Variants in ZNF423 observed in about 807,000 individuals in gnomAD.
The protein encoded by ZNF423 is Ebf-associated zinc finger protein.
A neutral mutation model predicts 95.8 loss-of-function variants in ZNF423; 12 were observed. The ratio of observed to expected loss-of-function variants is 0.13; its 90% CI spans 0.08 to 0.20. ZNF423 has a LOEUF of 0.20. Among genes scored for constraint, ZNF423 ranks in the 10% least tolerant of loss-of-function variants. ZNF423 has a pLI of 1.00. For synonymous variants in ZNF423, 749 were observed against 711.9 expected, an observed-to-expected ratio of 1.05 and a Z score of -0.83; for missense variants, 1,316 against 1,737.1, an observed-to-expected ratio of 0.76 and a Z score of 4.31.
At chr16:49,540,667 A>C (rs1469341779) in intron 5 of ZNF423, among the ~76,000 whole-genome samples, 1 of 152,218 alleles carries the variant, frequency 6.6e-6, no homozygotes, top group African/African-American at 2.4e-5. Context: ...CACACCCTGA[A>C]TGCACAAGGG....
rs2033997675 is a variant in ZNF423 at position 49,769,731 on chromosome 16, T to C, written c.100+19756A>G. Among the ~76,000 whole-genome samples the C allele has an allele frequency of 2.2e-5, 3 of 138,366 alleles. No homozygotes were observed. In the South Asian group the frequency reaches 8.0e-4, roughly 37 times the overall value. 90.8% of individuals were successfully genotyped at this position (138,366 alleles called of 152,430 possible). ...GTCTTTCCCCTCTCTCCCCCTCTCA[T>C]CTCCCTGACCTCACGCTCCCCCCAC... On this transcript the variant is annotated intron_variant, in intron 2 of 7. Transcript: ENST00000563137.
chr16:49,824,147 TG>T (rs1054248400), intron 1 of ZNF423, among the ~76,000 whole-genome samples: 1 of 152,048 alleles, frequency 6.6e-6, no homozygotes, highest in Non-Finnish European at 1.5e-5. Context: ...GTGTCAAAAC[TG>T]GGGGGGAATG....
At chr16:49,698,033 C>A (rs1279645572) in intron 3 of ZNF423, among the ~76,000 whole-genome samples, 1 of 152,132 alleles carries the variant, frequency 6.6e-6, no homozygotes, top group Non-Finnish European at 1.5e-5. Flanking sequence ...AGGGACCAGC[C>A]CGACTCCACA....
intron 3 of ZNF423, among the ~76,000 whole-genome samples, chr16:49,714,320 T>C (rs748802957): frequency 2.0e-5 from 3 of 152,106 alleles, no homozygotes; most frequent in Non-Finnish European, 4.4e-5. Context: ...GCTGCTATAT[T>C]TCAACACGCA....
chr16:49,636,984 G>A lies in ZNF423; in HGVS notation c.2192C>T (p.Thr731Ile), dbSNP rs1322106218. The part of the protein sequence containing the change: ...DMHTFVLYHC[T>I]LCQEVFDSKV... The stretch of plus-strand genomic sequence containing the variant: ...GGAGTCGAAGACCTCCTGACACAGG[G>A]TGCAGTGGTACAACACAAAGGTGTG... The change falls in exon 4 of 8, where the codon ACC (threonine) becomes ATC (isoleucine). Residue 731 changes from threonine to isoleucine, a missense_variant. Transcript: ENST00000563137. This position sits in a 1 kb window ranked among gnomAD's most constrained non-coding sequence, Gnocchi z 8.6. 2.0e-5 allele frequency: 32 copies of A among 1,613,888 alleles called. No homozygotes were observed. The highest frequency in any genetic ancestry group is 2.2e-5 in the East Asian group (1 of 44,882).
chr16:49,700,258 A>G (rs954503987), intron 3 of ZNF423, among the ~76,000 whole-genome samples: 6 of 152,070 alleles, frequency 3.9e-5, no homozygotes, highest in Non-Finnish European at 8.8e-5. Flanking sequence ...AAAAAAGCAG[A>G]ATGCACTCCA....
At chr16:49,599,942 A>G (rs1438966785) in intron 5 of ZNF423, among the ~76,000 whole-genome samples, 1 of 152,230 alleles carries the variant, frequency 6.6e-6, no homozygotes, top group African/African-American at 2.4e-5. Context: ...GGTGCTGGTT[A>G]CACAGGTGTA....
At chr16:49,553,891 G>A (rs1400644685) in intron 5 of ZNF423, among the ~76,000 whole-genome samples, 1 of 152,178 alleles carries the variant, frequency 6.6e-6, no homozygotes, top group Admixed American at 6.5e-5. Flanking sequence ...ATTAGATGGG[G>A]AACTGAAGCC....
intron 1 of ZNF423, among the ~76,000 whole-genome samples, chr16:49,828,259 A>G (rs1426746063): frequency 6.6e-6 from 1 of 152,202 alleles, no homozygotes; most frequent in African/African-American, 2.4e-5. Context: ...TTGTCCTCAA[A>G]TATCTCCTGT....
At chr16:49,732,861 G>A (rs4785187) in intron 2 of ZNF423, among the ~76,000 whole-genome samples, 35,531 of 152,200 alleles carry the variant, frequency 0.23, 4,655 homozygotes, top group East Asian at 0.43. Flanking sequence ...CTTCCAAGGC[G>A]GGGAACGTTG....
chr16:49,558,894 TG>T (rs35115225), intron 5 of ZNF423, among the ~76,000 whole-genome samples: 6 of 152,148 alleles, frequency 3.9e-5, no homozygotes, highest in African/African-American at 1.4e-4. Context: ...AGCGGGGTTT[TG>T]GGGGGGTCCC....
At chr16:49,533,658 C>G (rs1968941123) in intron 5 of ZNF423, among the ~76,000 whole-genome samples, 1 of 152,216 alleles carries the variant, frequency 6.6e-6, no homozygotes, top group Non-Finnish European at 1.5e-5. Flanking sequence ...GCCCTTGTTT[C>G]ATCAAGACTA....
chr16:49,846,716 T>C (rs1168575859), intron 1 of ZNF423, among the ~76,000 whole-genome samples: 2 of 152,054 alleles, frequency 1.3e-5, no homozygotes, highest in Non-Finnish European at 2.9e-5. Flanking sequence ...TCCCTCTCCC[T>C]CTCCCTGGGG....
chr16:49,671,846 G>A (rs2030826976), intron 3 of ZNF423, among the ~76,000 whole-genome samples: 1 of 152,066 alleles, frequency 6.6e-6, no homozygotes, highest in African/African-American at 2.4e-5. Flanking sequence ...CACCAGGCTA[G>A]GCTAATCTGT....
At position 49,777,587 on chromosome 16, in the gene ZNF423, A is replaced by T. The variant is rs138058242; in HGVS notation, c.100+11900T>A. 4.3e-3 allele frequency among the ~76,000 whole-genome samples: 658 copies of T among 152,246 alleles called. 1 individual carries two copies. The highest frequency in any genetic ancestry group is 0.024 in the Middle Eastern group (7 of 294). ...ACTAGTGGTGTGTCGCTGCAATGAC[A>T]TTAGGGATTACAGCACATTCTAGTG... is the stretch of plus-strand genomic sequence containing the variant. On this transcript the variant is annotated intron_variant, in intron 2 of 7. Transcript: ENST00000563137.
chr16:49,629,875 CATA>C, intron 4 of ZNF423, among the ~76,000 whole-genome samples: 1 of 152,320 alleles, frequency 6.6e-6, no homozygotes, highest in Middle Eastern at 3.4e-3. Flanking sequence ...AGAGTCAGTG[CATA>C]ATAATTATTT....
At position 49,855,658 on chromosome 16, in the gene ZNF423, G is replaced by C. The variant is rs1161250837; in HGVS notation, c.40+77C>G. Reference sequence around the variant, plus strand: ...CGCGCGGGTCCCCGGCAGCCAGCCCGCTCGCCGGTCCCTCCTCCCTCGCTC... The same window carrying C: ...CGCGCGGGTCCCCGGCAGCCAGCCCCCTCGCCGGTCCCTCCTCCCTCGCTC... On this transcript the variant is annotated intron_variant, in intron 1 of 7. Coordinates refer to ENST00000563137, the MANE Select transcript of ZNF423 (RefSeq NM_001379286.1). The surrounding 1 kb of genome is among the most constrained non-coding windows in gnomAD (Gnocchi z 4.7). 2 of 162,570 alleles carry C rather than the reference G, an allele frequency of 1.2e-5. No homozygotes were observed. The highest frequency in any genetic ancestry group is 4.9e-5 in the African/African-American group (2 of 41,118). 10.1% of individuals were successfully genotyped at this position (162,570 alleles called of 1,614,324 possible). A position where few individuals can be genotyped will look rare whatever the true frequency, so the allele number is the denominator to read the frequency against.
chr16:49,573,113 G>A (rs1970401208), intron 5 of ZNF423, among the ~76,000 whole-genome samples: 1 of 152,178 alleles, frequency 6.6e-6, no homozygotes, highest in South Asian at 2.1e-4. Context: ...TGTGGACGAT[G>A]GATGATGGGT....
chr16:49,491,032 G>T lies in ZNF423; in HGVS notation c.*243C>A, dbSNP rs139396396. On this transcript the variant is annotated 3_prime_UTR_variant, in exon 8 of 8. Coordinates refer to ENST00000563137, the MANE Select transcript of ZNF423 (RefSeq NM_001379286.1). ...TAACTCTAGAAATGTAGTCTGCGGC[G>T]GAAAGTCTAAAAGCACACTAGCTGT... is the stretch of plus-strand genomic sequence containing the variant. 2.1e-5 allele frequency: 11 copies of T among 521,154 alleles called. No homozygotes were observed. In the East Asian group the frequency reaches 2.8e-4, roughly 13 times the overall value. The allele number at this position is 521,154 out of a possible 1,614,324, so 32.3% of individuals were successfully genotyped here.
Sources: allele counts gnomAD v4.1 joint callset (sites outside exome capture counted in the v4.1 genomes callset), GRCh38; gene constraint gnomAD v4.1.1; non-coding constraint Gnocchi (gnomAD v3.1); transcripts MANE v1.5; gene names NCBI Gene and HGNC (gene_info 2026-07-23, HGNC 2026-07-21).